Variants in GALNT14 observed in about 807,000 individuals in gnomAD.
The protein encoded by GALNT14 is UDP-GalNAc:polypeptide N-acetylgalactosaminyltransferase 14.
GALNT14 carries 60 observed loss-of-function variants against 77.5 expected under a neutral mutation model. The observed-to-expected ratio is 0.77, with a 90% CI of 0.63 to 0.96. The LOEUF is 0.96. Ranked by LOEUF, GALNT14 falls within the 40% of genes least tolerant of loss-of-function variation. The pLI is 0.00. For missense variants in GALNT14, 710 were observed against 731.0 expected, an observed-to-expected ratio of 0.97 and a Z score of 0.33; for synonymous variants, 280 against 281.7, an observed-to-expected ratio of 0.99 and a Z score of 0.06.
intron 1 of GALNT14, among the ~76,000 whole-genome samples, chr2:31,010,415 C>T (rs182177561): frequency 1.5e-3 from 227 of 152,212 alleles, no homozygotes; most frequent in African/African-American, 5.1e-3. Context: ...CTGGCTAACA[C>T]GGTAAAACCC....
chr2:30,969,232 G>C (rs909095650), intron 2 of GALNT14, among the ~76,000 whole-genome samples: 1 of 152,242 alleles, frequency 6.6e-6, no homozygotes, highest in Non-Finnish European at 1.5e-5. Context: ...AGGACCGGGT[G>C]TGTCCAATGG....
At chr2:30,986,664 CAT>C (rs1669319007) in intron 2 of GALNT14, among the ~76,000 whole-genome samples, 1 of 152,230 alleles carries the variant, frequency 6.6e-6, no homozygotes, top group Non-Finnish European at 1.5e-5. Context: ...ACCAACCTAA[CAT>C]ATGAACAGCA....
chr2:30,994,217 C>G, intron 1 of GALNT14, among the ~76,000 whole-genome samples: 1 of 152,126 alleles, frequency 6.6e-6, no homozygotes. Flanking sequence ...GTTACTGAAC[C>G]CAGTGGCCGT....
At chr2:31,027,886 C>CTGTCTGTGTGTGTGTGTG (rs1553361797) in intron 1 of GALNT14, among the ~76,000 whole-genome samples, 3 of 141,776 alleles carry the variant, frequency 2.1e-5, no homozygotes, top group Non-Finnish European at 4.6e-5. Flanking sequence ...CAGATGTATT[C>CTGTCTGTGTGTGTGTGTG]TGTGTGTGTG....
At chr2:30,940,375 T>C (rs73921201) in intron 9 of GALNT14, among the ~76,000 whole-genome samples, 2 of 152,208 alleles carry the variant, frequency 1.3e-5, no homozygotes, top group African/African-American at 2.4e-5. Context: ...AGAACTTCCA[T>C]GTGGAAGAAG....
chr2:31,007,096 C>G (rs922627977), intron 1 of GALNT14, among the ~76,000 whole-genome samples: 3 of 152,152 alleles, frequency 2.0e-5, no homozygotes, highest in Middle Eastern at 3.2e-3. Flanking sequence ...TGCTGGCTGG[C>G]TTTTAATAGA....
chr2:30,910,223 A>G (rs1664278714), downstream of GALNT14, among the ~76,000 whole-genome samples: 1 of 152,058 alleles, frequency 6.6e-6, no homozygotes, highest in Admixed American at 6.5e-5. Flanking sequence ...TAAAAAAAAA[A>G]AGAAACCCCT....
chr2:31,068,200 T>A (rs979880835), intron 1 of GALNT14, among the ~76,000 whole-genome samples: 1 of 152,144 alleles, frequency 6.6e-6, no homozygotes, highest in Non-Finnish European at 1.5e-5. Context: ...AAAAGGTCCA[T>A]AATTGGCTGG....
At chr2:31,129,093 T>C (rs1678847618) in intron 1 of GALNT14, among the ~76,000 whole-genome samples, 1 of 152,206 alleles carries the variant, frequency 6.6e-6, no homozygotes, top group African/African-American at 2.4e-5. Flanking sequence ...ATATATTTCA[T>C]CTTCCCTGGC....
At chr2:30,942,118 G>A in intron 9 of GALNT14, 83 bp downstream of exon 9, 1 of 912,198 alleles carries the variant, frequency 1.1e-6, no homozygotes. Context: ...GCTTGGTGTT[G>A]GATCCAAAAC....
At chr2:31,128,302 G>A (rs1253159004) in intron 1 of GALNT14, among the ~76,000 whole-genome samples, 1 of 152,034 alleles carries the variant, frequency 6.6e-6, no homozygotes, top group African/African-American at 2.4e-5. Context: ...ATGGCAGGGT[G>A]CCCCCACATT....
intron 1 of GALNT14, among the ~76,000 whole-genome samples, chr2:31,049,857 C>A (rs1430506749): frequency 3.9e-5 from 6 of 152,204 alleles, no homozygotes; most frequent in African/African-American, 1.4e-4. Flanking sequence ...CAATTTACAG[C>A]AGCCTTTATG....
At chr2:30,907,417 G>A (rs1267093118), downstream of GALNT14, among the ~76,000 whole-genome samples, 1 of 152,188 alleles carries the variant, frequency 6.6e-6, no homozygotes, top group African/African-American at 2.4e-5. Context: ...TACCATCAGA[G>A]AATACTACAA....
At position 31,088,231 on chromosome 2, in the gene GALNT14, T is replaced by C. The variant is rs548955226; in HGVS notation, c.129+49727A>G. On this transcript the variant is annotated intron_variant, in intron 1 of 14. Transcript: ENST00000349752. ...GGTAAGGAACATGATGGGGACATGA[T>C]GTGTTGGCAACCGCTTCTAGAAGTC... Among the ~76,000 whole-genome samples, 110 of 152,246 alleles carry C rather than the reference T, an allele frequency of 7.2e-4. 1 individual carries two copies. Among genetic ancestry groups the C allele is most frequent in the African/African-American group, 2.6e-3 (107 of 41,540 alleles).
chr2:31,068,473 T>C (rs1483343736), intron 1 of GALNT14, among the ~76,000 whole-genome samples: 2 of 142,024 alleles, frequency 1.4e-5, no homozygotes, highest in Non-Finnish European at 3.0e-5. Context: ...CACGCCACTC[T>C]ACTCCAGCTG....
At chr2:31,090,990 G>A (rs1468590713) in intron 1 of GALNT14, among the ~76,000 whole-genome samples, 3 of 152,056 alleles carry the variant, frequency 2.0e-5, no homozygotes, top group Non-Finnish European at 4.4e-5. Flanking sequence ...CTTTTAAACC[G>A]ACCCTCTGAT....
At chr2:30,959,742 C>G (rs1318523076) in intron 3 of GALNT14, among the ~76,000 whole-genome samples, 1 of 152,214 alleles carries the variant, frequency 6.6e-6, no homozygotes, top group African/African-American at 2.4e-5. Flanking sequence ...TCACTTACCC[C>G]TCCTGTGCTG....
At chr2:30,989,678 A>AAAAAATATATATTAGTATATATAT (rs1558471440) in intron 2 of GALNT14, among the ~76,000 whole-genome samples, 4 of 108,378 alleles carry the variant, frequency 3.7e-5, no homozygotes, top group Non-Finnish European at 7.8e-5. Flanking sequence ...TAGTATATAT[A>AAAAAATATATATTAGTATATATAT]AAAAATATAT....
intron 1 of GALNT14, chr2:31,129,324 T>C (rs935125226): frequency 1.6e-5 from 15 of 958,138 alleles, no homozygotes; most frequent in Middle Eastern, 5.3e-4. Flanking sequence ...TGGATATAAA[T>C]GCTTTGTAAA....
Sources: allele counts gnomAD v4.1 joint callset (sites outside exome capture counted in the v4.1 genomes callset), GRCh38; gene constraint gnomAD v4.1.1; transcripts MANE v1.5; gene names NCBI Gene and HGNC (gene_info 2026-07-23, HGNC 2026-07-21).